RIPOR2: variants seen among roughly 807,000 people sequenced by gnomAD.
The protein encoded by RIPOR2 is RHO family interacting cell polarization regulator 2.
A neutral mutation model predicts 114.5 loss-of-function variants in RIPOR2; 39 were observed. The ratio of observed to expected loss-of-function variants is 0.34; its 90% CI spans 0.26 to 0.44. RIPOR2 has a LOEUF of 0.44. Among genes scored for constraint, RIPOR2 ranks in the 20% least tolerant of loss-of-function variants. The pLI is 1.00. For synonymous variants in RIPOR2, 445 were observed against 484.4 expected (o/e 0.92, Z 1.07); for missense variants, 1,007 against 1,255.1 (o/e 0.80, Z 2.99).
rs1764480349 is a variant in RIPOR2 at position 24,865,311 on chromosome 6, T to C, written c.641A>G (p.Glu214Gly). The stretch of plus-strand genomic sequence containing the variant: ...GTTAGGGAGTTATACCTCTGTGTAC[T>C]CCTTGAAGCTCCGATTGATCTCTGT... ...SLTEINRSFK[E>G]YTENMCTIEV... The change falls in exon 7 of 22, where the codon GAG becomes GGG. Residue 214 changes from glutamate (E) to glycine (G), a missense_variant. By Grantham distance (98) the Glu-to-Gly change is moderately conservative. Coordinates refer to ENST00000643898, the MANE Select transcript of RIPOR2 (RefSeq NM_001286445.3). 1.2e-6 allele frequency: 2 copies of C among 1,612,778 alleles called. No homozygotes were observed. The highest frequency in any genetic ancestry group is 4.5e-5 in the East Asian group (2 of 44,850).
At position 24,883,342 on chromosome 6, in the gene RIPOR2, T is replaced by G. The variant is rs1766521650; in HGVS notation, c.62-7525A>C. The stretch of plus-strand genomic sequence containing the variant: ...GCTATGCCATCTCCATAAGCTAGAC[T>G]GAGACCAACCCCTCTGAGACAAGAC... On this transcript the variant is annotated intron_variant, in intron 1 of 21. Transcript: ENST00000643898. The surrounding 1 kb of genome is among the most constrained non-coding windows in gnomAD (Gnocchi z 4.1). Among the ~76,000 whole-genome samples the G allele has an allele frequency of 1.3e-5, 2 of 152,202 alleles. No homozygotes were observed.
At chr6:24,921,817 T>A (rs1770518798) in intron 1 of RIPOR2, among the ~76,000 whole-genome samples, 1 of 149,808 alleles carries the variant, frequency 6.7e-6, no homozygotes, top group Admixed American at 6.6e-5. Flanking sequence ...ATTGATATTC[T>A]TTCTTTCTTT....
chr6:24,874,120 T>TG (rs2113892545), intron 2 of RIPOR2, among the ~76,000 whole-genome samples: 1 of 152,134 alleles, frequency 6.6e-6, no homozygotes, highest in Non-Finnish European at 1.5e-5. Context: ...AGCCTTGAAC[T>TG]CCTGGGCTCA....
chr6:25,017,490 T>C (rs564915237), intron 1 of RIPOR2, among the ~76,000 whole-genome samples: 2 of 152,350 alleles, frequency 1.3e-5, no homozygotes, highest in Non-Finnish European at 2.9e-5. Context: ...CAGATTTTCT[T>C]ACTTTTGGTA....
intron 1 of RIPOR2, among the ~76,000 whole-genome samples, chr6:25,036,716 G>A (rs943629400): frequency 1.3e-5 from 2 of 152,300 alleles, no homozygotes; most frequent in East Asian, 1.9e-4. Context: ...TTAAAGAGGC[G>A]AAACAAGTTC....
At chr6:24,935,777 C>T (rs1771766859) in intron 1 of RIPOR2, 61 bp downstream of exon 1, 1 of 1,208,080 alleles carries the variant, frequency 8.3e-7, no homozygotes, top group African/African-American at 1.5e-5. Context: ...CAAAAGTGTC[C>T]AGTGGTGTCA....
At position 24,901,778 on chromosome 6, in the gene RIPOR2, TG is replaced by T. The variant is rs150403935; in HGVS notation, c.62-25962del. 9.3e-3 allele frequency among the ~76,000 whole-genome samples: 1,421 copies of T among 152,282 alleles called. 16 individuals carry two copies. The highest frequency in any genetic ancestry group is 0.048 in the Middle Eastern group (14 of 294). ...TTTTGCTGCCTCCAGGCTGGCTAAG[TG>T]GACCTCCCGGGGTGGAGAGCGCCCA... On this transcript the variant is annotated intron_variant, in intron 1 of 21. Coordinates refer to ENST00000643898, the MANE Select transcript of RIPOR2 (RefSeq NM_001286445.3).
chr6:25,038,433 C>T (rs1447433139), intron 1 of RIPOR2, among the ~76,000 whole-genome samples: 2 of 152,220 alleles, frequency 1.3e-5, no homozygotes, highest in Non-Finnish European at 2.9e-5. Flanking sequence ...CAATTTTTAA[C>T]TAATCAAAAG....
At position 24,849,886 on chromosome 6, in the gene RIPOR2, T is replaced by C; in HGVS notation, c.950A>G (p.Glu317Gly). The change falls in exon 11 of 22, where the codon GAG becomes GGG. Residue 317 changes from glutamate (E) to glycine (G), a missense_variant. Coordinates refer to ENST00000643898, the MANE Select transcript of RIPOR2 (RefSeq NM_001286445.3). The stretch of plus-strand genomic sequence containing the variant: ...TACCTGAGGTCGGGCTGCAAACAGC[T>C]CTTTGGTCTCACAGGTCACGCTACC... ...LVGSVTCETK[E>G]LFAARPQVVA... 2.5e-6 allele frequency: 4 copies of C among 1,613,882 alleles called. No homozygotes were observed. Among genetic ancestry groups the C allele is most frequent in the Non-Finnish European group, 1.7e-6 (2 of 1,179,824 alleles).
At chr6:24,948,937 G>A (rs1319134932) in intron 1 of RIPOR2, among the ~76,000 whole-genome samples, 1 of 152,064 alleles carries the variant, frequency 6.6e-6, no homozygotes, top group Admixed American at 6.6e-5. Context: ...ACTGGTTCTG[G>A]CCCCTTTTCC....
At chr6:24,952,668 T>C (rs1772835612) in intron 1 of RIPOR2, among the ~76,000 whole-genome samples, 1 of 152,230 alleles carries the variant, frequency 6.6e-6, no homozygotes, top group African/African-American at 2.4e-5. Context: ...ATTTATTTAA[T>C]TGCACACTTA....
chr6:24,986,496 T>C (rs1774533800), intron 1 of RIPOR2, among the ~76,000 whole-genome samples: 1 of 152,188 alleles, frequency 6.6e-6, no homozygotes, highest in Non-Finnish European at 1.5e-5. Context: ...CAAAACAGGT[T>C]ATTTGATGCT....
At chr6:24,970,123 A>G (rs1773713345) in intron 1 of RIPOR2, among the ~76,000 whole-genome samples, 1 of 150,326 alleles carries the variant, frequency 6.7e-6, no homozygotes, top group Non-Finnish European at 1.5e-5. Flanking sequence ...TTCAGGGCTG[A>G]GCACCTCATG....
At chr6:24,850,450 T>G in intron 10 of RIPOR2, 147 bp downstream of exon 10, 17 of 797,256 alleles carry the variant, frequency 2.1e-5, no homozygotes, top group Admixed American at 4.8e-5. Flanking sequence ...CTTACTCTGA[T>G]GAGAGGGCAG....
At chr6:25,012,282 T>C (rs1775806322) in intron 1 of RIPOR2, among the ~76,000 whole-genome samples, 1 of 152,242 alleles carries the variant, frequency 6.6e-6, no homozygotes, top group Non-Finnish European at 1.5e-5. Context: ...CTGATGAGAA[T>C]ATAAAGATTC....
At chr6:24,871,548 C>T (rs369093050) in intron 4 of RIPOR2, among the ~76,000 whole-genome samples, 236 of 152,238 alleles carry the variant, frequency 1.6e-3, no homozygotes, top group African/African-American at 5.4e-3. Flanking sequence ...GACAGGGTCT[C>T]GCCACGTTGG....
intron 12 of RIPOR2, among the ~76,000 whole-genome samples, chr6:24,845,793 C>G (rs1762205073): frequency 6.6e-6 from 1 of 152,100 alleles, no homozygotes; most frequent in African/African-American, 2.4e-5. Context: ...GTGAAAGAGC[C>G]AATCCTGGAG....
At chr6:24,886,622 A>C (rs981973973) in intron 1 of RIPOR2, among the ~76,000 whole-genome samples, 1 of 152,204 alleles carries the variant, frequency 6.6e-6, no homozygotes, top group Non-Finnish European at 1.5e-5. Flanking sequence ...CTTGTGATAA[A>C]GAGTCAGACT....
intron 1 of RIPOR2, among the ~76,000 whole-genome samples, chr6:24,918,840 G>C (rs1488567881): frequency 1.3e-5 from 2 of 152,076 alleles, no homozygotes; most frequent in African/African-American, 4.8e-5. Context: ...CTGCTCCTAG[G>C]CTCTGAATCC....
Sources: gnomAD v4.1 joint callset for allele counts (sites outside exome capture counted in the v4.1 genomes callset) on GRCh38, gnomAD v4.1.1 for gene constraint, Gnocchi (gnomAD v3.1) non-coding constraint, MANE v1.5 for transcripts, NCBI Gene and HGNC (gene_info 2026-07-23, HGNC 2026-07-21) for gene names.